The following FCGRT variants were observed in gnomAD, a reference collection of about 807,000 sequenced individuals.
FCGRT encodes IgG receptor FcRn large subunit p51.
In FCGRT, 13 loss-of-function variants were observed where a neutral mutation model predicts 35.7. That is an observed-to-expected ratio of 0.36 (90% CI 0.24 to 0.58). FCGRT has a LOEUF of 0.58. FCGRT is among the 20% of genes least tolerant of loss of function. The probability of loss-of-function intolerance (pLI) is 0.77; values close to 1 mark genes in which losing one functional copy is unlikely to be tolerated. For synonymous variants in FCGRT, 233 were observed against 216.5 expected, an observed-to-expected ratio of 1.08 and a Z score of -0.67; for missense variants, 455 against 474.9, an observed-to-expected ratio of 0.96 and a Z score of 0.39.
chr19:49,525,762 G>T (rs897454786), intron 6 of FCGRT, among the ~76,000 whole-genome samples, 189 bp downstream of exon 6: 3 of 151,372 alleles, frequency 2.0e-5, no homozygotes, highest in Non-Finnish European at 4.4e-5. Context: ...CAGAGACGGG[G>T]GAACAGAGAC....
Position 49,524,567 on chromosome 19 carries a change from G to T in FCGRT, c.662G>T (p.Cys221Phe). Reference sequence around the variant, plus strand: ...AGCCCTGGCTTTTCCGTGCTTACCTGCAGCGCCTTCTCCTTCTACCCTCCG... The same window carrying T: ...AGCCCTGGCTTTTCCGTGCTTACCTTCAGCGCCTTCTCCTTCTACCCTCCG... Reference protein sequence around the residue: ...PSSPGFSVLTCSAFSFYPPEL... With the variant: ...PSSPGFSVLTFSAFSFYPPEL... Residue 221 changes from cysteine (C) to phenylalanine (F), a missense_variant, in exon 5 of 7, where the codon TGC becomes TTC. Cys to Phe is a radical substitution (Grantham distance 205, BLOSUM62 -2). Coordinates refer to ENST00000221466, the MANE Select transcript of FCGRT (RefSeq NM_001136019.3). The T allele has an allele frequency of 6.2e-7, 1 of 1,613,132 alleles. No homozygotes were observed. Among genetic ancestry groups the T allele is most frequent in the Non-Finnish European group, 8.5e-7 (1 of 1,179,960 alleles).
At position 49,524,513 on chromosome 19, in the gene FCGRT, C is replaced by A. The variant is rs780596384; in HGVS notation, c.608C>A (p.Pro203His). The stretch of plus-strand genomic sequence containing the variant: ...TCTGCCTGATTTCCTGCAGAGCCCC[C>A]CTCCATGCGCCTGAAGGCCCGACCC... ...GRGNLEWKEP[P>H]SMRLKARPSS... Residue 203 changes from proline to histidine, a missense_variant, in exon 5 of 7, where the codon CCC (proline) becomes CAC (histidine). Pro to His is a moderately conservative substitution (Grantham distance 77). Around this residue, in one of 3 missense-constraint regions of FCGRT, gnomAD observed 312 missense variants for 296.1 expected, o/e 1.05. Coordinates refer to ENST00000221466, the MANE Select transcript of FCGRT (RefSeq NM_001136019.3). 25 of 1,605,908 alleles carry A rather than the reference C, an allele frequency of 1.6e-5. No individual in the cohort carries two copies. The highest frequency in any genetic ancestry group is 2.2e-5 in the East Asian group (1 of 44,666).
At chr19:49,515,063 C>G (rs1337128064) in intron 4 of FCGRT, 2 of 151,262 alleles carry the variant, frequency 1.3e-5, no homozygotes, top group East Asian at 1.9e-4. Context: ...GGCACCATCT[C>G]GGCTCACTGC....
In FCGRT at chr19:49,517,365, C is replaced by G. The variant is rs547180215; in HGVS notation, c.601+2879C>G. ...AATTAGCCGGGTGCGGTGGTGGGTG[C>G]TTGTAATTCCAGCTATTCGGGAGGC... On this transcript the variant is annotated intron_variant, in intron 4 of 6. Transcript: ENST00000221466. Among the ~76,000 whole-genome samples, 3 of 152,092 alleles carry G rather than the reference C, an allele frequency of 2.0e-5. No individual in the cohort carries two copies. In the South Asian group the frequency reaches 6.2e-4, roughly 32 times the overall value.
At position 49,514,346 on chromosome 19, in the gene FCGRT, G is replaced by A. The variant is rs1326030891; in HGVS notation, c.461G>A (p.Trp154Ter). ...AAGCAGGGCACCTGGGGTGGGGACTGGCCCGAGGCCCTGGCTATCAGTCAG... is the reference window on the plus strand; with the variant it reads ...AAGCAGGGCACCTGGGGTGGGGACTAGCCCGAGGCCCTGGCTATCAGTCAG... ...DLKQGTWGGDWPEALAISQRW... is the reference protein window; with the variant it reads ...DLKQGTWGGD The change falls in exon 4 of 7, where the codon TGG (tryptophan) becomes TAG (stop). Residue 154 changes from tryptophan to a stop codon, truncating the protein, a stop_gained. Transcript: ENST00000221466. LOFTEE classifies it high-confidence loss of function. 6.2e-7 allele frequency: 1 copy of A among 1,613,546 alleles called. No homozygotes were observed. The highest frequency in any genetic ancestry group is 2.2e-5 in the East Asian group (1 of 44,872).
At chr19:49,517,748 A>G (rs1374009159) in intron 4 of FCGRT, among the ~76,000 whole-genome samples, 1 of 151,948 alleles carries the variant, frequency 6.6e-6, no homozygotes, top group African/African-American at 2.4e-5. Flanking sequence ...GCGGGAGTGT[A>G]GTGGCTCAGT....
intron 6 of FCGRT, 73 bp downstream of exon 6, chr19:49,525,646 AGGACAGAGACCCAGAGAGGGG>A: frequency 1.9e-6 from 2 of 1,061,760 alleles, no homozygotes; most frequent in Non-Finnish European, 2.9e-6. Flanking sequence ...CAGACCTGGG[AGGACAGAGACCCAGAGAGGGG>A]GGACAGAGAT....
At position 49,514,348 on chromosome 19, in the gene FCGRT, C is replaced by A; in HGVS notation, c.463C>A (p.Pro155Thr). 1 of 1,613,460 alleles carries A rather than the reference C, an allele frequency of 6.2e-7. No homozygotes were observed. The highest frequency in any genetic ancestry group is 8.5e-7 in the Non-Finnish European group (1 of 1,179,748). The change falls in exon 4 of 7, where the codon CCC becomes ACC. Residue 155 changes from proline to threonine, a missense_variant. By Grantham distance (38) the Pro-to-Thr change is conservative. Transcript: ENST00000221466. ...LKQGTWGGDW[P>T]EALAISQRWQ... ...GCAGGGCACCTGGGGTGGGGACTGGCCCGAGGCCCTGGCTATCAGTCAGCG... is the reference window on the plus strand; with the variant it reads ...GCAGGGCACCTGGGGTGGGGACTGGACCGAGGCCCTGGCTATCAGTCAGCG...
Position 49,513,375 on chromosome 19 carries a change from CT to C in FCGRT, c.-14-11del. 1 of 1,226,752 alleles carries C rather than the reference CT, an allele frequency of 8.2e-7. No homozygotes were observed. The highest frequency in any genetic ancestry group is 1.0e-6 in the Non-Finnish European group (1 of 972,322). 76.0% of individuals were successfully genotyped at this position (1,226,752 alleles called of 1,614,324 possible). On this transcript the variant is annotated splice_polypyrimidine_tract_variant and intron_variant, in intron 1 of 6. Coordinates refer to ENST00000221466, the MANE Select transcript of FCGRT (RefSeq NM_001136019.3). ...GGGGTCGGGAGGAGTCACGTGCCCC[CT>C]CCCGCCCCAGGTCGTCCTCTCAGCA...
intron 4 of FCGRT, among the ~76,000 whole-genome samples, chr19:49,522,697 G>A (rs965138255): frequency 5.3e-5 from 8 of 149,848 alleles, no homozygotes; most frequent in African/African-American, 1.2e-4. Context: ...CCCCCAAAGC[G>A]CCAGGATTCT....
Position 49,513,385 on chromosome 19 carries a change from A to T in FCGRT, c.-14-2A>T. On this transcript the variant is annotated splice_acceptor_variant, in intron 1 of 6. Coordinates refer to ENST00000221466, the MANE Select transcript of FCGRT (RefSeq NM_001136019.3). LOFTEE classifies it low-confidence loss of function (5UTR_SPLICE). ...GGAGTCACGTGCCCCCTCCCGCCCCAGGTCGTCCTCTCAGCATGGGGGTCC... is the reference window on the plus strand; with the variant it reads ...GGAGTCACGTGCCCCCTCCCGCCCCTGGTCGTCCTCTCAGCATGGGGGTCC... 3 of 819,342 alleles carry T rather than the reference A, an allele frequency of 3.7e-6. No individual in the cohort carries two copies. Among genetic ancestry groups the T allele is most frequent in the Non-Finnish European group, 3.0e-6 (2 of 661,766 alleles). 50.8% of individuals were successfully genotyped at this position (819,342 alleles called of 1,614,324 possible).
chr19:49,513,575 C>T (rs1193704749), intron 2 of FCGRT, 102 bp downstream of exon 2: 1 of 638,606 alleles, frequency 1.6e-6, no homozygotes, highest in Non-Finnish European at 2.3e-6. Flanking sequence ...CCCCGCGAGC[C>T]CCTGGCGCTG....
chr19:49,525,217 C>T (rs902776671), intron 5 of FCGRT: 6 of 533,018 alleles, frequency 1.1e-5, no homozygotes, highest in Middle Eastern at 4.9e-4. Flanking sequence ...CTGGCACAGC[C>T]CCGCCTTGCC....
Position 49,525,497 on chromosome 19 carries a change from C to T in FCGRT, c.912C>T (p.Val304=), listed in dbSNP as rs201536964. 1 of 1,613,962 alleles carries T rather than the reference C, an allele frequency of 6.2e-7. No individual in the cohort carries two copies. The highest frequency in any genetic ancestry group is 1.7e-5 in the Admixed American group (1 of 59,994). The change falls in exon 6 of 7, where the codon GTC becomes GTT. Residue 304 remains valine (V), a synonymous_variant. Transcript: ENST00000221466. ...AKSSVLVVGI[V]IGVLLLTAAA... ...CCTCCGTGCTCGTGGTGGGAATCGT[C>T]ATCGGTGTCTTGCTACTCACGGCAG...
chr19:49,520,462 C>T (rs965228815), intron 4 of FCGRT, among the ~76,000 whole-genome samples: 1 of 152,000 alleles, frequency 6.6e-6, no homozygotes, highest in African/African-American at 2.4e-5. Flanking sequence ...CCTCCTGCCT[C>T]AGCCTCCAGG....
chr19:49,520,968 C>G (rs990392838), intron 4 of FCGRT: 1 of 152,434 alleles, frequency 6.6e-6, no homozygotes, highest in Admixed American at 6.5e-5. Flanking sequence ...AAGATCCCAG[C>G]CAAGACCCAC....
intron 4 of FCGRT, among the ~76,000 whole-genome samples, chr19:49,514,991 TC>T (rs1350216434): frequency 4.2e-5 from 6 of 143,040 alleles, no homozygotes; most frequent in Admixed American, 2.1e-4. Context: ...TGCTCCTGGC[TC>T]CCCCCTTTTT....
Position 49,526,226 on chromosome 19 carries a change from CTAGTTGT to C in FCGRT, c.*108_*114del. On this transcript the variant is annotated 3_prime_UTR_variant, in exon 7 of 7. Transcript: ENST00000221466. The stretch of plus-strand genomic sequence containing the variant: ...TGAGCCTCCAGAAGGGGTTCTGGGC[CTAGTTGT>C]CCTCCCTCTGGAGCCCCGTCCTGTG... 1.4e-6 allele frequency: 1 copy of C among 738,174 alleles called. No individual in the cohort carries two copies. The highest frequency in any genetic ancestry group is 2.4e-6 in the Non-Finnish European group (1 of 423,628). The allele number at this position is 738,174 out of a possible 1,614,324, so 45.7% of individuals were successfully genotyped here. A position where few individuals can be genotyped will look rare whatever the true frequency, so the allele number is the denominator to read the frequency against.
At chr19:49,525,027 C>A in intron 5 of FCGRT, 1 of 651,284 alleles carries the variant, frequency 1.5e-6, no homozygotes, top group East Asian at 3.0e-5. Flanking sequence ...GCCAGTCCTC[C>A]CTGAGTCTGA....
Sources: allele counts gnomAD v4.1 joint callset (sites outside exome capture counted in the v4.1 genomes callset), GRCh38; gene constraint gnomAD v4.1.1; regional missense constraint gnomAD v4.1.1; transcripts MANE v1.5; gene names NCBI Gene and HGNC (gene_info 2026-07-23, HGNC 2026-07-21).